Variants in PLEKHA5 observed in about 807,000 individuals in gnomAD.
The protein encoded by PLEKHA5 is pleckstrin homology domain containing A5, also known as pleckstrin homology domain-containing family A member 5.
PLEKHA5 carries 55 observed loss-of-function variants against 181.9 expected under a neutral mutation model. The ratio of observed to expected loss-of-function variants is 0.30; its 90% CI spans 0.24 to 0.38. The LOEUF (loss-of-function observed/expected upper bound fraction) is 0.38. PLEKHA5 is among the 10% of genes least tolerant of loss of function. The pLI is 1.00. For synonymous variants in PLEKHA5, 535 were observed against 529.4 expected (o/e 1.01, Z -0.15); for missense variants, 1,432 against 1,549.5 (o/e 0.92, Z 1.27).
At chr12:19,205,417 C>T (rs2055185997) in intron 3 of PLEKHA5, 1 of 980,692 alleles carries the variant, frequency 1.0e-6, no homozygotes, top group Non-Finnish European at 1.2e-6. Context: ...AAGAAAAGAA[C>T]ACAGATTTTT....
At chr12:19,155,064 A>G (rs2041356037) in intron 3 of PLEKHA5, among the ~76,000 whole-genome samples, 1 of 152,172 alleles carries the variant, frequency 6.6e-6, no homozygotes. Flanking sequence ...AAGGAATACT[A>G]CAGGAGTTGT....
intron 12 of PLEKHA5, among the ~76,000 whole-genome samples, chr12:19,285,593 C>T (rs1007682293): frequency 2.6e-5 from 4 of 152,224 alleles, no homozygotes; most frequent in African/African-American, 9.6e-5. Flanking sequence ...CCTATTTGCT[C>T]TAGTAGTGCA....
At chr12:19,238,803 A>G (rs1264662927) in intron 3 of PLEKHA5, among the ~76,000 whole-genome samples, 1 of 130,548 alleles carries the variant, frequency 7.7e-6, no homozygotes, top group Non-Finnish European at 1.7e-5. Flanking sequence ...TCTGGCCAAA[A>G]AAAAAAAAAA....
chr12:19,274,627 G>A lies in PLEKHA5; in HGVS notation c.957G>A (p.Met319Ile), dbSNP rs772204036. 13 of 1,613,436 alleles carry A rather than the reference G, an allele frequency of 8.1e-6. 1 individual carries two copies. The South Asian group carries it at 9.9e-5, about 12-fold the overall frequency. The change falls in exon 11 of 32, where the codon ATG (methionine) becomes ATA (isoleucine). Residue 319 changes from methionine to isoleucine, a missense_variant. This residue lies in a region of PLEKHA5 where 1,143 missense variants were observed against 1,168.4 expected (regional missense o/e 0.98). Transcript: ENST00000429027. ...EIQNNQKNKEMSKIEEKKALE... is the reference protein window; with the variant it reads ...EIQNNQKNKEISKIEEKKALE... ...AAAACAATCAAAAAAACAAGGAAAT[G>A]AGCAAAATTGAAGAAAAAAAGGCAT...
At chr12:19,362,943 T>A (rs1192930841) in intron 29 of PLEKHA5, among the ~76,000 whole-genome samples, 1 of 142,234 alleles carries the variant, frequency 7.0e-6, no homozygotes, top group Non-Finnish European at 1.6e-5. Flanking sequence ...GAGGGCCAAC[T>A]GTACTATGCC....
chr12:19,131,662 AT>A (rs1365781832), intron 2 of PLEKHA5, among the ~76,000 whole-genome samples: 2 of 150,972 alleles, frequency 1.3e-5, no homozygotes, highest in African/African-American at 4.9e-5. Flanking sequence ...TTATTCTTTT[AT>A]GTGATTTCAC....
At chr12:19,271,852 G>C (rs2072919430) in intron 10 of PLEKHA5, among the ~76,000 whole-genome samples, 1 of 152,120 alleles carries the variant, frequency 6.6e-6, no homozygotes, top group South Asian at 2.1e-4. Context: ...TGCGTGCCCA[G>C]CTTAGAGTCC....
rs193114619 is a variant in PLEKHA5 at position 19,188,749 on chromosome 12, T to A, written c.227+56299T>A. Among the ~76,000 whole-genome samples, 5 of 152,386 alleles carry A rather than the reference T, an allele frequency of 3.3e-5. 1 individual carries two copies. The highest frequency in any genetic ancestry group is 3.3e-4 in the Admixed American group (5 of 15,304). ...ATTTATAATACATATTATGTTGATT[T>A]AGATTCTATTCCTTTTTCAAATTAA... On this transcript the variant is annotated intron_variant, in intron 3 of 31. Coordinates refer to ENST00000429027, the MANE Select transcript of PLEKHA5 (RefSeq NM_001256470.2).
chr12:19,253,313 G>A (rs1230585706), intron 3 of PLEKHA5, among the ~76,000 whole-genome samples: 5 of 150,988 alleles, frequency 3.3e-5, no homozygotes, highest in African/African-American at 1.2e-4. Context: ...GACCTCAAGT[G>A]ATCCACCTTC....
At chr12:19,237,516 T>C (rs2152425513) in intron 3 of PLEKHA5, among the ~76,000 whole-genome samples, 1 of 151,998 alleles carries the variant, frequency 6.6e-6, no homozygotes, top group African/African-American at 2.4e-5. Flanking sequence ...TTTTTTAAGG[T>C]ATATCGATAC....
intron 3 of PLEKHA5, chr12:19,150,698 T>C (rs1428798115): frequency 1.3e-5 from 2 of 152,228 alleles, no homozygotes; most frequent in Non-Finnish European, 2.9e-5. Context: ...TGTGTTTAAA[T>C]GCTATGTCAC....
chr12:19,306,256 C>T (rs1027276527), intron 15 of PLEKHA5: 15 of 336,544 alleles, frequency 4.5e-5, no homozygotes, highest in African/African-American at 3.0e-4. Flanking sequence ...AGTGTATTTC[C>T]GAGATGTTGC....
intron 3 of PLEKHA5, among the ~76,000 whole-genome samples, chr12:19,142,041 G>A (rs1454043763): frequency 1.3e-5 from 2 of 152,028 alleles, no homozygotes; most frequent in East Asian, 1.9e-4. Flanking sequence ...TCCAACTTTC[G>A]CTAAAGTGGT....
At chr12:19,204,021 C>T (rs1228867146) in intron 3 of PLEKHA5, among the ~76,000 whole-genome samples, 1 of 151,962 alleles carries the variant, frequency 6.6e-6, no homozygotes, top group Non-Finnish European at 1.5e-5. Flanking sequence ...ATTTTTGCGA[C>T]CTTTTGATAA....
In PLEKHA5 at chr12:19,263,193, G is replaced by A. The variant is rs191652175; in HGVS notation, c.610+2172G>A. ...CTATATATTTTTTTTTGCATATTTA[G>A]TATTTGTTGAGTACTGTGCTGAGCA... On this transcript the variant is annotated intron_variant, in intron 7 of 31. Coordinates refer to ENST00000429027, the MANE Select transcript of PLEKHA5 (RefSeq NM_001256470.2). 1.5e-4 allele frequency among the ~76,000 whole-genome samples: 23 copies of A among 151,964 alleles called. No homozygotes were observed. In the South Asian group the frequency reaches 1.7e-3, roughly 11 times the overall value.
chr12:19,295,781 G>A (rs1310166382), intron 15 of PLEKHA5, among the ~76,000 whole-genome samples: 2 of 152,154 alleles, frequency 1.3e-5, no homozygotes, highest in Admixed American at 6.5e-5. Flanking sequence ...TTTGGCTCCT[G>A]TACCCTACTG....
At chr12:19,201,085 C>G (rs1192373355) in intron 3 of PLEKHA5, 2 of 152,106 alleles carry the variant, frequency 1.3e-5, no homozygotes, top group East Asian at 3.9e-4. Flanking sequence ...GGAGAAAGTA[C>G]AGGCAAATCA....
chr12:19,195,630 G>A (rs1313633069), intron 3 of PLEKHA5, among the ~76,000 whole-genome samples: 3 of 141,536 alleles, frequency 2.1e-5, no homozygotes, highest in African/African-American at 8.1e-5. Flanking sequence ...CTGAGATTGC[G>A]CCATTGCACT....
At chr12:19,145,392 C>A (rs191838126) in intron 3 of PLEKHA5, among the ~76,000 whole-genome samples, 1 of 152,170 alleles carries the variant, frequency 6.6e-6, no homozygotes, top group African/African-American at 2.4e-5. Flanking sequence ...TATGATTTTT[C>A]CCTTCTACCC....
Sources: gnomAD v4.1 joint callset for allele counts (sites outside exome capture counted in the v4.1 genomes callset) on GRCh38, gnomAD v4.1.1 for gene constraint, gnomAD v4.1.1 regional missense constraint, MANE v1.5 for transcripts, NCBI Gene and HGNC (gene_info 2026-07-23, HGNC 2026-07-21) for gene names.